Variants in CDK17 observed in about 807,000 individuals in gnomAD.
CDK17 encodes the protein cyclin dependent kinase 17, also known as cyclin-dependent kinase 17.
Under a neutral mutation model 77.6 loss-of-function variants are expected in CDK17, and 24 were observed. The observed-to-expected ratio is 0.31, with a 90% CI of 0.22 to 0.44. CDK17 has a LOEUF of 0.44. CDK17 is among the 20% of genes least tolerant of loss of function. The pLI, the probability that CDK17 is intolerant of heterozygous loss-of-function variation, is 1.00. For missense variants in CDK17, 429 were observed against 622.5 expected (o/e 0.69, Z 3.31); for synonymous variants, 203 against 210.4 (o/e 0.96, Z 0.30).
At chr12:96,387,380 C>T (rs768800476) in intron 1 of CDK17, among the ~76,000 whole-genome samples, 1 of 152,156 alleles carries the variant, frequency 6.6e-6, no homozygotes, top group Non-Finnish European at 1.5e-5. Context: ...TTGTCTGAAA[C>T]ATTAAAAACC....
chr12:96,373,999 T>C (rs1437386012), intron 1 of CDK17, among the ~76,000 whole-genome samples: 1 of 152,182 alleles, frequency 6.6e-6, no homozygotes, highest in Non-Finnish European at 1.5e-5. Flanking sequence ...TAAATCAGAA[T>C]GCATGTATTG....
chr12:96,352,103 C>A (rs1368271393), intron 1 of CDK17, among the ~76,000 whole-genome samples: 1 of 152,156 alleles, frequency 6.6e-6, no homozygotes. Context: ...CAACTTTTAA[C>A]AGACTTTTCA....
At position 96,334,849 on chromosome 12, in the gene CDK17, A is replaced by C. The variant is rs754666772; in HGVS notation, c.-13T>G. The C allele has an allele frequency of 2.7e-5, 36 of 1,328,764 alleles. No individual in the cohort carries two copies. The highest frequency in any genetic ancestry group is 3.7e-5 in the Non-Finnish European group (34 of 921,316). 82.3% of individuals were successfully genotyped at this position (1,328,764 alleles called of 1,614,324 possible). On this transcript the variant is annotated 5_prime_UTR_variant, in exon 2 of 17. Coordinates refer to ENST00000261211, the MANE Select transcript of CDK17 (RefSeq NM_002595.5). ...TAAATTTTTTCATCCTATCAATTGA[A>C]TGTGGCTTGAAAAATCCTGAAAGAA...
At chr12:96,349,486 C>G (rs768850919) in intron 1 of CDK17, among the ~76,000 whole-genome samples, 30 of 145,472 alleles carry the variant, frequency 2.1e-4, no homozygotes, top group Non-Finnish European at 3.7e-4. Context: ...TGTAATACAT[C>G]ACATTAGCAA....
chr12:96,305,777 G>A (rs1952569385), intron 5 of CDK17, among the ~76,000 whole-genome samples: 1 of 152,062 alleles, frequency 6.6e-6, no homozygotes, highest in African/African-American at 2.4e-5. Context: ...GGAGTGCAGT[G>A]GTGCAATCAT....
At chr12:96,321,906 A>G (rs1054791403) in intron 3 of CDK17, among the ~76,000 whole-genome samples, 1 of 149,398 alleles carries the variant, frequency 6.7e-6, no homozygotes, top group African/African-American at 2.5e-5. Flanking sequence ...ACATGTATAC[A>G]TATGTAACTA....
chr12:96,304,247 T>C (rs1023255238), intron 5 of CDK17, among the ~76,000 whole-genome samples: 2 of 152,044 alleles, frequency 1.3e-5, no homozygotes, highest in African/African-American at 4.8e-5. Flanking sequence ...TATTAATACA[T>C]AAGAAACGGG....
At chr12:96,389,439 C>T (rs997533101) in intron 1 of CDK17, among the ~76,000 whole-genome samples, 13 of 152,084 alleles carry the variant, frequency 8.5e-5, no homozygotes, top group Non-Finnish European at 1.8e-4. Context: ...ATAAATGTTT[C>T]AACCATTTTA....
intron 1 of CDK17, among the ~76,000 whole-genome samples, chr12:96,374,419 C>T (rs889745246): frequency 2.0e-5 from 3 of 152,212 alleles, no homozygotes; most frequent in Admixed American, 6.5e-5. Flanking sequence ...GACCCCACTA[C>T]TTTTCAGCTC....
chr12:96,390,875 G>T (rs1954056767), intron 1 of CDK17, among the ~76,000 whole-genome samples: 1 of 151,886 alleles, frequency 6.6e-6, no homozygotes, highest in Non-Finnish European at 1.5e-5. Flanking sequence ...GGCCAAGGTG[G>T]GTGGATTACC....
At chr12:96,396,455 T>C (rs1954170724) in intron 1 of CDK17, among the ~76,000 whole-genome samples, 1 of 152,210 alleles carries the variant, frequency 6.6e-6, no homozygotes, top group African/African-American at 2.4e-5. Context: ...AGGTTCGCTA[T>C]TACAGGCAGT....
chr12:96,316,711 C>G lies in CDK17; in HGVS notation c.284-3257G>C, dbSNP rs368460455. ...AGCAGGGGCACACTGACACCTCACA[C>G]GGCAGGGTATTCCAACAGACCTGCA... is the stretch of plus-strand genomic sequence containing the variant. On this transcript the variant is annotated intron_variant, in intron 3 of 16. Coordinates refer to ENST00000261211, the MANE Select transcript of CDK17 (RefSeq NM_002595.5). 2.8e-3 allele frequency among the ~76,000 whole-genome samples: 345 copies of G among 122,040 alleles called. 22 individuals carry two copies. Among genetic ancestry groups the G allele is most frequent in the East Asian group, 9.6e-3 (23 of 2,384 alleles). 80.1% of individuals were successfully genotyped at this position (122,040 alleles called of 152,430 possible). A position where few individuals can be genotyped will look rare whatever the true frequency, so the allele number is the denominator to read the frequency against.
chr12:96,290,031 A>C lies in CDK17; in HGVS notation c.998-744T>G, dbSNP rs182022560. On this transcript the variant is annotated intron_variant, in intron 10 of 16. Transcript: ENST00000261211. The stretch of plus-strand genomic sequence containing the variant: ...TAACAACAGCCATGACCTTTAAAAA[A>C]AAAAATCGCAAAAAAATCTCATAAT... 6.0e-4 allele frequency among the ~76,000 whole-genome samples: 91 copies of C among 152,368 alleles called. 1 individual carries two copies. The highest frequency in any genetic ancestry group is 1.0e-3 in the South Asian group (5 of 4,830).
chr12:96,285,949 T>C (rs562026783), intron 13 of CDK17, 94 bp downstream of exon 13: 13 of 649,660 alleles, frequency 2.0e-5, no homozygotes, highest in African/African-American at 1.9e-5. Flanking sequence ...ATGTGTATTA[T>C]GTATTTTTTC....
At chr12:96,341,396 C>G (rs1322898360) in intron 1 of CDK17, among the ~76,000 whole-genome samples, 1 of 151,742 alleles carries the variant, frequency 6.6e-6, no homozygotes, top group Non-Finnish European at 1.5e-5. Flanking sequence ...TTCTAGATGT[C>G]AAAAACACTT....
intron 1 of CDK17, among the ~76,000 whole-genome samples, chr12:96,366,471 C>T (rs540802290): frequency 6.6e-6 from 1 of 152,254 alleles, no homozygotes; most frequent in East Asian, 1.9e-4. Flanking sequence ...TAGTGTATCA[C>T]AGTATCTAGG....
At chr12:96,358,370 TA>T (rs35899533) in intron 1 of CDK17, among the ~76,000 whole-genome samples, 5,892 of 35,140 alleles carry the variant, frequency 0.17, 105 homozygotes, top group South Asian at 0.27. Flanking sequence ...TGCAAACTTG[TA>T]AAAAAAAAAA....
intron 1 of CDK17, among the ~76,000 whole-genome samples, chr12:96,387,647 C>A (rs984026775): frequency 6.6e-6 from 1 of 152,158 alleles, no homozygotes; most frequent in African/African-American, 2.4e-5. Context: ...ATTTTGATTT[C>A]AGAAAAACGT....
rs148311456 is a variant in CDK17 at position 96,347,368 on chromosome 12, A to G, written c.-29-12503T>C. Reference sequence around the variant, plus strand: ...CACCTGAGGTCAGGAGTTTCAAACCAGCCTGGCCAACATGGTGAGAACTCG... The same window carrying G: ...CACCTGAGGTCAGGAGTTTCAAACCGGCCTGGCCAACATGGTGAGAACTCG... On this transcript the variant is annotated intron_variant, in intron 1 of 16. Coordinates refer to ENST00000261211, the MANE Select transcript of CDK17 (RefSeq NM_002595.5). Among the ~76,000 whole-genome samples the G allele has an allele frequency of 2.8e-3, 428 of 151,962 alleles. 2 individuals carry two copies. The highest frequency in any genetic ancestry group is 9.4e-3 in the African/African-American group (389 of 41,434).
Sources: allele counts gnomAD v4.1 joint callset (sites outside exome capture counted in the v4.1 genomes callset), GRCh38; gene constraint gnomAD v4.1.1; transcripts MANE v1.5; gene names NCBI Gene and HGNC (gene_info 2026-07-23, HGNC 2026-07-21).